TMOD3: variants seen among roughly 807,000 people sequenced by gnomAD.
The protein encoded by TMOD3 is tropomodulin-3.
TMOD3 carries 20 observed loss-of-function variants against 39.2 expected under a neutral mutation model. The ratio of observed to expected loss-of-function variants is 0.51; its 90% CI spans 0.36 to 0.74. The LOEUF (loss-of-function observed/expected upper bound fraction) is 0.74, where lower values mean the gene tolerates loss of function less well. TMOD3 is among the 30% of genes least tolerant of loss of function. TMOD3 has a pLI of 0.00. For synonymous variants in TMOD3, 143 were observed against 145.8 expected, an observed-to-expected ratio of 0.98 and a Z score of 0.14; for missense variants, 381 against 412.8, an observed-to-expected ratio of 0.92 and a Z score of 0.67.
intron 3 of TMOD3, among the ~76,000 whole-genome samples, chr15:51,882,568 A>G (rs1411186213): frequency 6.6e-6 from 1 of 152,154 alleles, no homozygotes; most frequent in Non-Finnish European, 1.5e-5. Context: ...ATTTGTTGAA[A>G]CACTGTTCTT....
chr15:51,878,976 T>C (rs985054773), intron 3 of TMOD3, among the ~76,000 whole-genome samples: 1 of 152,206 alleles, frequency 6.6e-6, no homozygotes, highest in Non-Finnish European at 1.5e-5. Context: ...ATGACTAAGA[T>C]AATTCTTAAC....
rs545548640 is a variant in TMOD3 at position 51,893,956 on chromosome 15, T to C, written c.627+11T>C. ...TTGAATAATATAAAGGTAAGTGTGC[T>C]AATCAGAGTGGTTTTGTATTGCTTT... On this transcript the variant is annotated intron_variant, in intron 6 of 9. Transcript: ENST00000308580. The C allele has an allele frequency of 6.4e-6, 10 of 1,574,270 alleles. 1 individual carries two copies. In the South Asian group the frequency reaches 1.2e-4, roughly 19 times the overall value.
chr15:51,879,856 T>TCACACACA (rs68117829), intron 3 of TMOD3, among the ~76,000 whole-genome samples: 8,218 of 142,560 alleles, frequency 0.058, 461 homozygotes, highest in Admixed American at 0.19. Flanking sequence ...TCTCTGTCTT[T>TCACACACA]CACACACACA....
intron 6 of TMOD3, 77 bp from the exon 7 acceptor site, chr15:51,896,342 A>C (rs937463919): frequency 2.0e-5 from 21 of 1,050,290 alleles, no homozygotes; most frequent in Middle Eastern, 2.1e-4. Flanking sequence ...AGCAAAAAAA[A>C]CCATATATTT....
intron 1 of TMOD3, among the ~76,000 whole-genome samples, chr15:51,846,160 A>T (rs2056334796): frequency 6.6e-6 from 1 of 151,386 alleles, no homozygotes; most frequent in African/African-American, 2.4e-5. Context: ...TACCAAAAAA[A>T]AAAAAAATAC....
chr15:51,834,226 C>T (rs948364657), intron 1 of TMOD3, among the ~76,000 whole-genome samples: 16 of 151,864 alleles, frequency 1.1e-4, no homozygotes, highest in African/African-American at 3.9e-4. Flanking sequence ...TTTTTTTATA[C>T]AGTCTGTCCC....
In TMOD3 at chr15:51,912,432, A is replaced by G. The variant is rs966324598; in HGVS notation, c.*3622A>G. The G allele has an allele frequency of 7.7e-6, 1 of 130,016 alleles. No individual in the cohort carries two copies. Among genetic ancestry groups the G allele is most frequent in the Non-Finnish European group, 1.7e-5 (1 of 59,636 alleles). 8.1% of individuals were successfully genotyped at this position (130,016 alleles called of 1,614,324 possible). A position where few individuals can be genotyped will look rare whatever the true frequency, so the allele number is the denominator to read the frequency against. ...ACAAGAGTGAAACTCCGTCTCAAAA[A>G]AAAAAAAATTTTTTTTTTTTTATAA... On this transcript the variant is annotated 3_prime_UTR_variant, in exon 10 of 10. Coordinates refer to ENST00000308580, the MANE Select transcript of TMOD3 (RefSeq NM_014547.5).
At chr15:51,859,408 C>A in intron 1 of TMOD3, 1 of 679,192 alleles carries the variant, frequency 1.5e-6, no homozygotes, top group Non-Finnish European at 2.8e-6. Context: ...CACCATCTTG[C>A]AGGATTCTTG....
At chr15:51,903,773 C>T in intron 9 of TMOD3, among the ~76,000 whole-genome samples, 1 of 152,142 alleles carries the variant, frequency 6.6e-6, no homozygotes, top group African/African-American at 2.4e-5. Context: ...AGCTGGACTT[C>T]ATAAATAATT....
At chr15:51,844,166 C>G (rs943421543) in intron 1 of TMOD3, among the ~76,000 whole-genome samples, 4 of 152,064 alleles carry the variant, frequency 2.6e-5, no homozygotes, top group Non-Finnish European at 5.9e-5. Context: ...CTGAGTGAAC[C>G]CTCTCCCTTG....
At chr15:51,896,812 CTT>C (rs1240966743) in intron 7 of TMOD3, among the ~76,000 whole-genome samples, 1 of 151,826 alleles carries the variant, frequency 6.6e-6, no homozygotes, top group African/African-American at 2.4e-5. Context: ...TGCAGTTTAT[CTT>C]TAAAGTTTTG....
At chr15:51,904,811 T>C (rs780441494) in intron 9 of TMOD3, among the ~76,000 whole-genome samples, 12 of 152,200 alleles carry the variant, frequency 7.9e-5, no homozygotes, top group Admixed American at 2.0e-4. Flanking sequence ...CTTCCTAGGC[T>C]GCTTTATGTT....
At chr15:51,889,187 A>C (rs1427022549) in intron 5 of TMOD3, 42 bp downstream of exon 5, 1 of 1,379,276 alleles carries the variant, frequency 7.3e-7, no homozygotes, top group Non-Finnish European at 1.0e-6. Context: ...TCCTTTATTA[A>C]ATATATTTTG....
At chr15:51,881,525 A>C (rs2056533566) in intron 3 of TMOD3, among the ~76,000 whole-genome samples, 1 of 148,168 alleles carries the variant, frequency 6.7e-6, no homozygotes, top group Non-Finnish European at 1.5e-5. Context: ...ATTCAAGGTC[A>C]CGGAGATACA....
At chr15:51,830,066 C>G (rs980544826) in intron 1 of TMOD3, among the ~76,000 whole-genome samples, 6 of 152,074 alleles carry the variant, frequency 3.9e-5, no homozygotes, top group Non-Finnish European at 7.4e-5. Context: ...GGTCTAGGCG[C>G]GCGAACCTGG....
intron 1 of TMOD3, among the ~76,000 whole-genome samples, chr15:51,845,548 G>A (rs770442999): frequency 6.6e-6 from 1 of 152,130 alleles, no homozygotes; most frequent in African/African-American, 2.4e-5. Context: ...CTTGAGCTCA[G>A]GATTTTAGAC....
intron 3 of TMOD3, among the ~76,000 whole-genome samples, chr15:51,875,643 T>C (rs547041198): frequency 7.2e-6 from 1 of 138,346 alleles, no homozygotes. Context: ...TGAGACAGAG[T>C]CTTGCTCTGT....
chr15:51,876,896 A>G (rs1380116256), intron 3 of TMOD3, among the ~76,000 whole-genome samples: 8 of 152,082 alleles, frequency 5.3e-5, no homozygotes, highest in Non-Finnish European at 1.2e-4. Flanking sequence ...CCGTGCCTCT[A>G]CTAAAAATGA....
At chr15:51,859,671 C>T (rs17705889) in intron 1 of TMOD3, 8,480 of 489,824 alleles carry the variant, frequency 0.017, 342 homozygotes, top group Admixed American at 0.096. Flanking sequence ...GGTAGACAAA[C>T]CTGGAGTTTC....
Sources: allele counts gnomAD v4.1 joint callset (sites outside exome capture counted in the v4.1 genomes callset), GRCh38; gene constraint gnomAD v4.1.1; transcripts MANE v1.5; gene names NCBI Gene and HGNC (gene_info 2026-07-23, HGNC 2026-07-21).